The following TLL1 variants were observed in gnomAD, a reference collection of about 807,000 sequenced individuals.
TLL1 encodes the protein tolloid-like protein 1.
A neutral mutation model predicts 128.2 loss-of-function variants in TLL1; 49 were observed. The observed-to-expected ratio is 0.38, with a 90% CI of 0.30 to 0.48. The LOEUF is 0.48. Among genes scored for constraint, TLL1 ranks in the 20% least tolerant of loss-of-function variants. The pLI, the probability that TLL1 is intolerant of heterozygous loss-of-function variation, is 0.96. For synonymous variants in TLL1, 454 were observed against 418.8 expected (o/e 1.08, Z -1.03); for missense variants, 1,123 against 1,242.0 (o/e 0.90, Z 1.44).
intron 1 of TLL1, among the ~76,000 whole-genome samples, chr4:165,964,508 T>C (rs1009695896): frequency 2.0e-4 from 31 of 152,322 alleles, no homozygotes; most frequent in Middle Eastern, 3.4e-3. Context: ...TCTGGGTTCC[T>C]CCAGCCTTGA....
chr4:165,985,761 G>A (rs1331636147), intron 1 of TLL1, among the ~76,000 whole-genome samples: 1 of 151,908 alleles, frequency 6.6e-6, no homozygotes, highest in Non-Finnish European at 1.5e-5. Context: ...TATAATAAAA[G>A]CAGTCTTTCT....
At chr4:166,089,503 G>T (rs992435221) in intron 18 of TLL1, among the ~76,000 whole-genome samples, 1 of 152,112 alleles carries the variant, frequency 6.6e-6, no homozygotes, top group Non-Finnish European at 1.5e-5. Context: ...CGCAATGTGT[G>T]TACTCCACTG....
intron 1 of TLL1, among the ~76,000 whole-genome samples, chr4:165,921,286 A>G (rs1436336060): frequency 6.6e-6 from 1 of 152,224 alleles, no homozygotes; most frequent in African/African-American, 2.4e-5. Context: ...ATTTTATCCA[A>G]CAACCTTAGA....
At chr4:165,959,287 A>C (rs939683414) in intron 1 of TLL1, among the ~76,000 whole-genome samples, 3 of 152,094 alleles carry the variant, frequency 2.0e-5, no homozygotes, top group East Asian at 3.9e-4. Flanking sequence ...CATTGAATCT[A>C]TAAATTACCT....
intron 1 of TLL1, among the ~76,000 whole-genome samples, chr4:165,963,660 A>G (rs569825156): frequency 1.2e-4 from 19 of 152,320 alleles, no homozygotes; most frequent in South Asian, 8.3e-4. Flanking sequence ...GAAGACTGAA[A>G]GGACCATAAT....
chr4:165,896,145 A>G (rs1334655542), intron 1 of TLL1, among the ~76,000 whole-genome samples: 2 of 151,942 alleles, frequency 1.3e-5, no homozygotes, highest in Admixed American at 1.3e-4. Context: ...ATGTGTTCTC[A>G]TTGTTCAATT....
intron 16 of TLL1, among the ~76,000 whole-genome samples, chr4:166,070,251 C>G (rs1045286567): frequency 1.3e-5 from 2 of 151,772 alleles, no homozygotes; most frequent in African/African-American, 4.8e-5. Flanking sequence ...AGTGAGGAAG[C>G]AAAGCTAAGA....
intron 20 of TLL1, among the ~76,000 whole-genome samples, chr4:166,099,760 T>C (rs1742207112): frequency 6.6e-6 from 1 of 152,136 alleles, no homozygotes. Context: ...AATCAGTAGG[T>C]ATAATTTCTT....
At chr4:165,901,699 C>T (rs1449903886) in intron 1 of TLL1, among the ~76,000 whole-genome samples, 1 of 152,176 alleles carries the variant, frequency 6.6e-6, no homozygotes, top group Admixed American at 6.5e-5. Flanking sequence ...TGGGAGGTGA[C>T]TCCAGTAAGC....
At chr4:166,040,126 C>G (rs1292872550) in intron 10 of TLL1, among the ~76,000 whole-genome samples, 1 of 152,150 alleles carries the variant, frequency 6.6e-6, no homozygotes, top group Non-Finnish European at 1.5e-5. Context: ...ATGCAGGCAT[C>G]TACTCTATAT....
At chr4:165,927,185 T>A (rs185678923) in intron 1 of TLL1, among the ~76,000 whole-genome samples, 1 of 152,110 alleles carries the variant, frequency 6.6e-6, no homozygotes, top group East Asian at 1.9e-4. Flanking sequence ...AAACAATAGA[T>A]AGTTTTTGGA....
intron 1 of TLL1, among the ~76,000 whole-genome samples, chr4:165,934,122 C>T (rs1733657489): frequency 6.6e-6 from 1 of 151,792 alleles, no homozygotes; most frequent in South Asian, 2.1e-4. Flanking sequence ...CCTCAGCCTC[C>T]CGAGTAGCTG....
At position 166,104,142 on chromosome 4, in the gene TLL1, A is replaced by G. The variant is rs764437582; in HGVS notation, c.*3266A>G. Among the ~76,000 whole-genome samples the G allele has an allele frequency of 1.2e-4, 18 of 151,888 alleles. No homozygotes were observed. The highest frequency in any genetic ancestry group is 2.4e-4 in the Non-Finnish European group (16 of 67,892). ...TTTATTTGGTTTGTAATACTGCTGT[A>G]TTTTTGGTGGTAAGCTTCAAATATC... On this transcript the variant is annotated 3_prime_UTR_variant, in exon 21 of 21. Coordinates refer to ENST00000061240, the MANE Select transcript of TLL1 (RefSeq NM_012464.5).
chr4:166,017,532 T>C (rs1738005719), intron 8 of TLL1, among the ~76,000 whole-genome samples: 1 of 152,214 alleles, frequency 6.6e-6, no homozygotes, highest in Non-Finnish European at 1.5e-5. Context: ...CCTCAATGGC[T>C]GGACTACTTT....
chr4:165,900,912 T>A (rs934423583), intron 1 of TLL1, among the ~76,000 whole-genome samples: 34 of 152,184 alleles, frequency 2.2e-4, no homozygotes, highest in African/African-American at 8.0e-4. Context: ...TGGTCCCATA[T>A]TTCTTGGAGG....
chr4:165,986,423 C>T (rs748035432), intron 1 of TLL1, among the ~76,000 whole-genome samples: 3 of 149,778 alleles, frequency 2.0e-5, no homozygotes, highest in African/African-American at 5.1e-5. Context: ...AAAGTTCTAA[C>T]GTGCCTTTTT....
Position 166,055,088 on chromosome 4 carries a change from G to GAC in TLL1, c.1539_1540dup (p.Asn514ThrfsTer20). ...TTTTCTGTTGCAGATTGAAAGACAT[G>GAC]ACAATTGTGCTTATGACTACCTGGA... On this transcript the variant is annotated frameshift_variant, in exon 13 of 21. Coordinates refer to ENST00000061240, the MANE Select transcript of TLL1 (RefSeq NM_012464.5). LOFTEE classifies it high-confidence loss of function. 6.2e-7 allele frequency: 1 copy of GAC among 1,609,992 alleles called. No individual in the cohort carries two copies. Among genetic ancestry groups the GAC allele is most frequent in the Non-Finnish European group, 8.5e-7 (1 of 1,178,762 alleles).
At chr4:166,064,449 C>T (rs948623094) in intron 15 of TLL1, among the ~76,000 whole-genome samples, 1 of 152,038 alleles carries the variant, frequency 6.6e-6, no homozygotes, top group African/African-American at 2.4e-5. Flanking sequence ...AAGCATTATT[C>T]TCATAGTCAG....
At chr4:165,903,852 G>A (rs1021025409) in intron 1 of TLL1, among the ~76,000 whole-genome samples, 3 of 151,876 alleles carry the variant, frequency 2.0e-5, no homozygotes, top group Non-Finnish European at 2.9e-5. Flanking sequence ...CTATGGCATA[G>A]GTTTCATGGG....
Sources: gnomAD v4.1 joint callset for allele counts (sites outside exome capture counted in the v4.1 genomes callset) on GRCh38, gnomAD v4.1.1 for gene constraint, MANE v1.5 for transcripts, NCBI Gene and HGNC (gene_info 2026-07-23, HGNC 2026-07-21) for gene names.